OR1J2: variants seen among roughly 807,000 people sequenced by gnomAD.
OR1J2 encodes olfactory receptor family 1 subfamily J member 2, also known as olfactory receptor 1J2.
For missense variants in OR1J2, 304 were observed against 246.1 expected (o/e 1.24, Z -1.57); for synonymous variants, 142 against 99.7 (o/e 1.42, Z -2.52).
chr9:122,519,778 G>A, the OR1J2 span: 5 of 1,614,122 alleles, frequency 3.1e-6, no homozygotes, highest in Non-Finnish European at 4.2e-6. Context: ...CCACTAATAT[G>A]CATCTTGATC....
the OR1J2 span, among the ~76,000 whole-genome samples, chr9:122,531,762 G>C: frequency 6.6e-6 from 1 of 152,164 alleles, no homozygotes; most frequent in Non-Finnish European, 1.5e-5. Context: ...TGGCTGATTT[G>C]ACTGATAAAG....
the OR1J2 span, among the ~76,000 whole-genome samples, chr9:122,545,317 C>T: frequency 4.0e-5 from 6 of 151,888 alleles, no homozygotes; most frequent in Non-Finnish European, 5.9e-5. Flanking sequence ...TTATGGTATT[C>T]CGTAAGTATC....
chr9:122,579,078 A>G, the OR1J2 span, among the ~76,000 whole-genome samples: 2 of 152,110 alleles, frequency 1.3e-5, no homozygotes, highest in Non-Finnish European at 2.9e-5. Context: ...AGAAAGAAAA[A>G]TACTGCCAAG....
At chr9:122,448,663 A>G in the OR1J2 span, among the ~76,000 whole-genome samples, 1 of 152,118 alleles carries the variant, frequency 6.6e-6, no homozygotes, top group Non-Finnish European at 1.5e-5. Flanking sequence ...TTACTCGAGA[A>G]TGGAGAATGG....
chr9:122,559,935 A>G, the OR1J2 span, among the ~76,000 whole-genome samples: 1 of 152,310 alleles, frequency 6.6e-6, no homozygotes, highest in African/African-American at 2.4e-5. Flanking sequence ...GGGGTGTTAA[A>G]GTCTCCCACT....
At chr9:122,511,767 A>C (rs1395045008), downstream of OR1J2, 1 of 779,058 alleles carries the variant, frequency 1.3e-6, no homozygotes, top group South Asian at 1.3e-5. Context: ...AAAAAATTAG[A>C]ATCTCATTTT....
the OR1J2 span, among the ~76,000 whole-genome samples, chr9:122,479,667 C>G: frequency 6.6e-6 from 1 of 152,224 alleles, no homozygotes. Context: ...ACCAGAAGGA[C>G]GAGACAATTT....
the OR1J2 span, among the ~76,000 whole-genome samples, chr9:122,494,063 A>T: frequency 6.6e-6 from 1 of 151,800 alleles, no homozygotes; most frequent in Non-Finnish European, 1.5e-5. Flanking sequence ...TATAATTTCG[A>T]TTTTCTTAAA....
the OR1J2 span, chr9:122,477,785 G>A: frequency 1.9e-6 from 3 of 1,614,026 alleles, no homozygotes; most frequent in Admixed American, 5.0e-5. Context: ...AGCTGGATGA[G>A]CAGCATGATG....
At chr9:122,537,189 A>G in the OR1J2 span, among the ~76,000 whole-genome samples, 1 of 152,360 alleles carries the variant, frequency 6.6e-6, no homozygotes, top group South Asian at 2.1e-4. Flanking sequence ...GATTTAAGCA[A>G]TCAGGTGGTA....
chr9:122,501,685 A>G, the OR1J2 span, among the ~76,000 whole-genome samples: 3 of 152,178 alleles, frequency 2.0e-5, no homozygotes, highest in African/African-American at 7.2e-5. Context: ...TTACTGAGTT[A>G]CAGAGAATGA....
chr9:122,500,926 A>C, the OR1J2 span, among the ~76,000 whole-genome samples: 2 of 152,236 alleles, frequency 1.3e-5, no homozygotes, highest in East Asian at 1.9e-4. Flanking sequence ...AATAAGGGAA[A>C]GGTTAAGGGA....
the OR1J2 span, among the ~76,000 whole-genome samples, chr9:122,560,615 C>T: frequency 1.5e-3 from 225 of 152,160 alleles, no homozygotes; most frequent in African/African-American, 5.3e-3. Context: ...TGAAATTCTG[C>T]GTTGAAAATT....
chr9:122,548,326 C>T, the OR1J2 span, among the ~76,000 whole-genome samples: 1 of 152,092 alleles, frequency 6.6e-6, no homozygotes, highest in East Asian at 1.9e-4. Flanking sequence ...TCTTTATATA[C>T]ATTTCCCTTA....
the OR1J2 span, among the ~76,000 whole-genome samples, chr9:122,524,531 C>T: frequency 2.6e-5 from 4 of 152,160 alleles, no homozygotes; most frequent in East Asian, 5.8e-4. Context: ...TAACTCCTAA[C>T]GGCCACAGAA....
chr9:122,475,364 A>T, the OR1J2 span, among the ~76,000 whole-genome samples: 1 of 152,174 alleles, frequency 6.6e-6, no homozygotes, highest in Non-Finnish European at 1.5e-5. Flanking sequence ...CTCTCCCGCC[A>T]CATTTCTTCT....
the OR1J2 span, among the ~76,000 whole-genome samples, chr9:122,456,147 T>A: frequency 1.3e-5 from 2 of 152,342 alleles, no homozygotes; most frequent in South Asian, 4.1e-4. Flanking sequence ...AAATTTGTTC[T>A]TATTTTTCAA....
the OR1J2 span, among the ~76,000 whole-genome samples, chr9:122,535,048 A>G: frequency 6.6e-6 from 1 of 152,004 alleles, no homozygotes; most frequent in Non-Finnish European, 1.5e-5. Context: ...CTAAGGGAGA[A>G]GAAGGGGGAA....
chr9:122,484,362 A>G, the OR1J2 span, among the ~76,000 whole-genome samples: 4 of 152,104 alleles, frequency 2.6e-5, no homozygotes, highest in Admixed American at 1.3e-4. Context: ...GAGTTTCACC[A>G]TGTTGGCCAG....
Sources: allele counts gnomAD v4.1 joint callset (sites outside exome capture counted in the v4.1 genomes callset), GRCh38; gene constraint gnomAD v4.1.1; transcripts MANE v1.5; gene names NCBI Gene and HGNC (gene_info 2026-07-23, HGNC 2026-07-21).